APBB2: variants seen among roughly 807,000 people sequenced by gnomAD.
APBB2 encodes amyloid beta precursor protein binding family B member 2.
In APBB2, 38 loss-of-function variants were observed where a neutral mutation model predicts 82.5. That is an observed-to-expected ratio of 0.46 (90% confidence interval 0.36 to 0.60). APBB2 has a LOEUF of 0.60. APBB2 is among the 20% of genes least tolerant of loss of function. The pLI is 0.00. For synonymous variants in APBB2, 341 were observed against 368.2 expected (o/e 0.93, Z 0.85); for missense variants, 772 against 972.3 (o/e 0.79, Z 2.74).
At chr4:40,896,256 G>A (rs1239642882) in intron 10 of APBB2, among the ~76,000 whole-genome samples, 4 of 152,178 alleles carry the variant, frequency 2.6e-5, no homozygotes, top group African/African-American at 4.8e-5. Flanking sequence ...TAGAGATGGG[G>A]TTTCACCATG....
intron 12 of APBB2, among the ~76,000 whole-genome samples, chr4:40,872,843 T>C (rs1246638793): frequency 6.6e-6 from 1 of 151,482 alleles, no homozygotes; most frequent in African/African-American, 2.4e-5. Context: ...CCCAGCACTT[T>C]GGGAGGCTGA....
intron 6 of APBB2, among the ~76,000 whole-genome samples, chr4:40,994,105 T>C (rs1206485202): frequency 1.3e-5 from 2 of 151,724 alleles, no homozygotes; most frequent in Non-Finnish European, 2.9e-5. Context: ...CTGTGAATGG[T>C]GAAGCCCCGT....
intron 2 of APBB2, among the ~76,000 whole-genome samples, chr4:41,125,123 C>T (rs1456389017): frequency 2.0e-5 from 3 of 152,214 alleles, no homozygotes; most frequent in African/African-American, 7.2e-5. Flanking sequence ...AATTCAGGGT[C>T]ATCTGTCCCC....
At chr4:41,168,849 C>G (rs1453410505) in intron 1 of APBB2, among the ~76,000 whole-genome samples, 2 of 152,006 alleles carry the variant, frequency 1.3e-5, no homozygotes, top group African/African-American at 4.8e-5. Context: ...CCAGCCCACA[C>G]AAAGGTAAGG....
At chr4:40,895,832 C>G (rs984365951) in intron 10 of APBB2, among the ~76,000 whole-genome samples, 1 of 152,322 alleles carries the variant, frequency 6.6e-6, no homozygotes. Context: ...AGTCCTCACC[C>G]CAACCCTTTG....
At chr4:40,921,041 G>A (rs768603035) in intron 10 of APBB2, among the ~76,000 whole-genome samples, 6 of 152,132 alleles carry the variant, frequency 3.9e-5, no homozygotes, top group Non-Finnish European at 8.8e-5. Flanking sequence ...TCTGTGCCTC[G>A]GCTCCCTCAA....
chr4:40,946,254 A>AAAAAAAAAAAAAAAAAACAAAAAC (rs1553875174), intron 6 of APBB2, among the ~76,000 whole-genome samples: 1 of 114,560 alleles, frequency 8.7e-6, no homozygotes, highest in Non-Finnish European at 1.8e-5. Flanking sequence ...AAAAAAAAAA[A>AAAAAAAAAAAAAAAAAACAAAAAC]CATTCCCAAG....
intron 1 of APBB2, among the ~76,000 whole-genome samples, chr4:41,171,513 C>T (rs1180608536): frequency 6.6e-6 from 1 of 152,164 alleles, no homozygotes; most frequent in Non-Finnish European, 1.5e-5. Flanking sequence ...AAAACAGGGC[C>T]AAGAACCAAA....
intron 12 of APBB2, among the ~76,000 whole-genome samples, chr4:40,883,281 T>A (rs1473806394): frequency 1.3e-5 from 2 of 152,090 alleles, no homozygotes; most frequent in African/African-American, 4.8e-5. Context: ...TATGATCACA[T>A]CACTGCACTC....
intron 5 of APBB2, among the ~76,000 whole-genome samples, chr4:41,023,646 A>G (rs1038186474): frequency 6.6e-6 from 1 of 152,196 alleles, no homozygotes; most frequent in Non-Finnish European, 1.5e-5. Context: ...GATCTCTACA[A>G]TAAGAATTAC....
chr4:41,146,478 A>G (rs912307231), intron 1 of APBB2, among the ~76,000 whole-genome samples: 1 of 152,162 alleles, frequency 6.6e-6, no homozygotes, highest in Non-Finnish European at 1.5e-5. Context: ...TGGGCAAGAG[A>G]ACAAGACCCC....
intron 12 of APBB2, among the ~76,000 whole-genome samples, chr4:40,886,587 C>G (rs528939449): frequency 6.6e-6 from 1 of 152,118 alleles, no homozygotes; most frequent in African/African-American, 2.4e-5. Flanking sequence ...ATAAGAAGAA[C>G]GCTGAGGCCG....
chr4:41,089,875 A>T (rs1427188016), intron 3 of APBB2, among the ~76,000 whole-genome samples: 3 of 152,154 alleles, frequency 2.0e-5, no homozygotes, highest in Non-Finnish European at 4.4e-5. Flanking sequence ...GCATGTTTTG[A>T]TCCTACGCCC....
chr4:41,111,894 A>G (rs1270026338), intron 2 of APBB2, among the ~76,000 whole-genome samples: 1 of 152,238 alleles, frequency 6.6e-6, no homozygotes, highest in Non-Finnish European at 1.5e-5. Context: ...TAAAAGAAAG[A>G]GAAAGAATCC....
At chr4:41,160,037 A>AGAC (rs1258514181) in intron 1 of APBB2, among the ~76,000 whole-genome samples, 4 of 146,388 alleles carry the variant, frequency 2.7e-5, no homozygotes, top group East Asian at 2.0e-4. Flanking sequence ...AAGAAGAAGA[A>AGAC]AACATCACAG....
intron 12 of APBB2, among the ~76,000 whole-genome samples, chr4:40,879,724 C>T (rs761367013): frequency 1.3e-5 from 2 of 148,712 alleles, no homozygotes; most frequent in Admixed American, 6.8e-5. Context: ...TGGAGTCTCA[C>T]TCTGTAGCCC....
intron 6 of APBB2, among the ~76,000 whole-genome samples, chr4:40,984,295 T>G (rs1799842556): frequency 6.6e-6 from 1 of 152,166 alleles, no homozygotes; most frequent in South Asian, 2.1e-4. Flanking sequence ...CTTACAAAAG[T>G]TCATGTGACT....
At chr4:41,146,862 G>A (rs1295352824) in intron 1 of APBB2, among the ~76,000 whole-genome samples, 5 of 152,196 alleles carry the variant, frequency 3.3e-5, no homozygotes, top group African/African-American at 9.6e-5. Context: ...GTGAGGCTGC[G>A]CATAAAGCCG....
chr4:40,890,652 A>T (rs541802205), intron 11 of APBB2, among the ~76,000 whole-genome samples, 161 bp from the exon 12 acceptor site: 1 of 151,874 alleles, frequency 6.6e-6, no homozygotes, highest in Non-Finnish European at 1.5e-5. Flanking sequence ...AAGAATATTG[A>T]TATCTTTCAG....
Sources: allele counts gnomAD v4.1 joint callset (sites outside exome capture counted in the v4.1 genomes callset), GRCh38; gene constraint gnomAD v4.1.1; transcripts MANE v1.5; gene names NCBI Gene and HGNC (gene_info 2026-07-23, HGNC 2026-07-21).